Variants in APLP2 observed in about 807,000 individuals in gnomAD.
The protein encoded by APLP2 is CDEI box-binding protein.
A neutral mutation model predicts 89.9 loss-of-function variants in APLP2; 53 were observed. The observed-to-expected ratio is 0.59, with a 90% CI of 0.47 to 0.74. The LOEUF (loss-of-function observed/expected upper bound fraction) is 0.74, where lower values mean the gene tolerates loss of function less well. Ranked by LOEUF, APLP2 falls within the 30% of genes least tolerant of loss-of-function variation. APLP2 has a pLI of 0.00. For synonymous variants in APLP2, 372 were observed against 348.6 expected (o/e 1.07, Z -0.75); for missense variants, 973 against 975.9 (o/e 1.00, Z 0.04).
chr11:130,139,499 A>T (rs1411187217), intron 13 of APLP2: 1 of 152,250 alleles, frequency 6.6e-6, no homozygotes, highest in Admixed American at 6.5e-5. Context: ...AGGAATTCTT[A>T]TGATAGCTAG....
chr11:130,096,879 A>ATG (rs1946276880), intron 1 of APLP2, among the ~76,000 whole-genome samples: 1 of 152,214 alleles, frequency 6.6e-6, no homozygotes, highest in African/African-American at 2.4e-5. Flanking sequence ...GAACCCCAGA[A>ATG]GGTTAACTAA....
chr11:130,089,466 T>G (rs1451885723), intron 1 of APLP2, among the ~76,000 whole-genome samples: 1 of 152,218 alleles, frequency 6.6e-6, no homozygotes. Context: ...TGCAGCATGC[T>G]CACTGTCTCC....
In APLP2 at chr11:130,110,509, T is replaced by C. The variant is rs144808175; in HGVS notation, c.280-29T>C. The C allele has an allele frequency of 4.0e-3, 6,414 of 1,610,188 alleles. 26 individuals carry two copies. Among genetic ancestry groups the C allele is most frequent in the African/African-American group, 0.012 (901 of 74,752 alleles). The stretch of plus-strand genomic sequence containing the variant: ...GTGTGTGTCTGTCTGCAGATTGATT[T>C]ATTGTGTGTGTGTTTGTTTTCTTAA... On this transcript the variant is annotated intron_variant, in intron 2 of 16. Coordinates refer to ENST00000338167, the MANE Select transcript of APLP2 (RefSeq NM_001142276.2).
intron 1 of APLP2, among the ~76,000 whole-genome samples, chr11:130,107,946 C>G (rs1006323134): frequency 3.3e-5 from 5 of 152,054 alleles, no homozygotes; most frequent in African/African-American, 9.7e-5. Context: ...ACAAACCTGA[C>G]AAAAACAAGA....
intron 1 of APLP2, among the ~76,000 whole-genome samples, chr11:130,091,257 C>T (rs1945070923): frequency 7.4e-6 from 1 of 135,046 alleles, no homozygotes; most frequent in African/African-American, 3.0e-5. Context: ...GGGCGGCTGG[C>T]CGGGCGGGGG....
At chr11:130,091,140 G>C (rs1591778591) in intron 1 of APLP2, among the ~76,000 whole-genome samples, 59 of 132,998 alleles carry the variant, frequency 4.4e-4, no homozygotes, top group East Asian at 1.7e-3. Context: ...GGGCAGAGGG[G>C]CTCCTCACTT....
chr11:130,126,654 A>C, intron 7 of APLP2, 46 bp from the exon 8 acceptor site: 1 of 1,608,862 alleles, frequency 6.2e-7, no homozygotes, highest in African/African-American at 1.3e-5. Flanking sequence ...CCTAGAGCAC[A>C]GTGCATCTGA....
chr11:130,081,776 T>C (rs1206230290), intron 1 of APLP2, among the ~76,000 whole-genome samples: 2 of 152,214 alleles, frequency 1.3e-5, no homozygotes, highest in East Asian at 3.8e-4. Context: ...TATTTTGTAA[T>C]TTATTTGATT....
At chr11:130,134,366 C>T (rs376472917) in intron 12 of APLP2, among the ~76,000 whole-genome samples, 123 of 152,182 alleles carry the variant, frequency 8.1e-4, no homozygotes, top group African/African-American at 2.9e-3. Flanking sequence ...CGGGAGAGCA[C>T]GTTGGTAGCA....
chr11:130,097,230 C>T (rs922459851), intron 1 of APLP2, among the ~76,000 whole-genome samples: 4 of 152,122 alleles, frequency 2.6e-5, no homozygotes, highest in African/African-American at 7.2e-5. Flanking sequence ...GTTGTGTGCA[C>T]CTAATAAAAT....
chr11:130,076,001 A>AT (rs1194403640), intron 1 of APLP2, among the ~76,000 whole-genome samples: 1 of 152,088 alleles, frequency 6.6e-6, no homozygotes, highest in African/African-American at 2.4e-5. Context: ...GATGTTTTAC[A>AT]TTTTCCATTG....
chr11:130,087,236 C>A (rs1944248766), intron 1 of APLP2, among the ~76,000 whole-genome samples: 1 of 152,176 alleles, frequency 6.6e-6, no homozygotes, highest in Non-Finnish European at 1.5e-5. Flanking sequence ...ATACCTAGTA[C>A]GTAACCTAAA....
At chr11:130,096,628 G>A (rs1946243648) in intron 1 of APLP2, among the ~76,000 whole-genome samples, 1 of 152,168 alleles carries the variant, frequency 6.6e-6, no homozygotes, top group South Asian at 2.1e-4. Context: ...CAAGGCAGGA[G>A]GATCACTTGA....
chr11:130,142,044 G>C lies in APLP2; in HGVS notation c.2124G>C (p.Gln708His). 1 of 1,613,750 alleles carries C rather than the reference G, an allele frequency of 6.2e-7. No homozygotes were observed. Among genetic ancestry groups the C allele is most frequent in the East Asian group, 2.2e-5 (1 of 44,878 alleles). ...GCCTGGTGATGCTGAGGAAGAGGCA[G>C]TATGGCACCATCAGCCACGGGATCG... ...VISLVMLRKR[Q>H]YGTISHGIVE... Residue 708 changes from glutamine to histidine, a missense_variant, in exon 16 of 17, where the codon CAG becomes CAC. Physicochemically the swap from Gln to His is conservative, Grantham distance 24 (BLOSUM62 0). Coordinates refer to ENST00000338167, the MANE Select transcript of APLP2 (RefSeq NM_001142276.2).
At chr11:130,090,570 A>C (rs1419828623) in intron 1 of APLP2, among the ~76,000 whole-genome samples, 1 of 151,964 alleles carries the variant, frequency 6.6e-6, no homozygotes, top group Non-Finnish European at 1.5e-5. Flanking sequence ...CAGGGAGCAC[A>C]GGGTTGGGGG....
intron 1 of APLP2, chr11:130,070,782 T>A: frequency 7.4e-7 from 1 of 1,357,674 alleles, no homozygotes; most frequent in Non-Finnish European, 9.6e-7. Flanking sequence ...TTTCAGTGAG[T>A]AGGGAAGGTG....
intron 1 of APLP2, among the ~76,000 whole-genome samples, chr11:130,092,218 G>A (rs1244891913): frequency 3.5e-5 from 5 of 141,168 alleles, no homozygotes; most frequent in African/African-American, 5.7e-5. Context: ...GCTGGGCGGA[G>A]ACGCTCCTCA....
At chr11:130,106,976 C>T (rs375344709) in intron 1 of APLP2, among the ~76,000 whole-genome samples, 8 of 152,148 alleles carry the variant, frequency 5.3e-5, no homozygotes, top group Non-Finnish European at 8.8e-5. Flanking sequence ...TGTGAGCCAC[C>T]GCGCCCGGCC....
chr11:130,118,355 C>CA (rs1949450935), intron 3 of APLP2, among the ~76,000 whole-genome samples: 1 of 152,104 alleles, frequency 6.6e-6, no homozygotes, highest in African/African-American at 2.4e-5. Flanking sequence ...ACATGTGGAA[C>CA]AATAGTTTCT....
Sources: allele counts gnomAD v4.1 joint callset (sites outside exome capture counted in the v4.1 genomes callset), GRCh38; gene constraint gnomAD v4.1.1; transcripts MANE v1.5; gene names NCBI Gene and HGNC (gene_info 2026-07-23, HGNC 2026-07-21).